Variants in PHACTR1 observed in about 807,000 individuals in gnomAD.
PHACTR1 encodes RPEL repeat containing 1.
A neutral mutation model predicts 69.2 loss-of-function variants in PHACTR1; 16 were observed. That is an observed-to-expected ratio of 0.23 (90% confidence interval 0.16 to 0.35). The LOEUF (loss-of-function observed/expected upper bound fraction) is 0.35, where lower values mean the gene tolerates loss of function less well. PHACTR1 is among the 10% of genes least tolerant of loss of function. The pLI, the probability that PHACTR1 is intolerant of heterozygous loss-of-function variation, is 1.00. For synonymous variants in PHACTR1, 312 were observed against 284.5 expected (o/e 1.10, Z -0.97); for missense variants, 510 against 734.7 (o/e 0.69, Z 3.54).
chr6:12,922,219 G>T (rs1322310046), intron 4 of PHACTR1, among the ~76,000 whole-genome samples: 1 of 152,168 alleles, frequency 6.6e-6, no homozygotes, highest in Non-Finnish European at 1.5e-5. Flanking sequence ...CTCCTTGCAA[G>T]ATCTTGCTTC....
At chr6:12,767,843 G>T (rs1768836908) in intron 4 of PHACTR1, among the ~76,000 whole-genome samples, 2 of 152,140 alleles carry the variant, frequency 1.3e-5, no homozygotes, top group Non-Finnish European at 1.5e-5. Context: ...AAACTTAAAA[G>T]ACATTGATAA....
intron 5 of PHACTR1, among the ~76,000 whole-genome samples, chr6:13,150,820 C>T (rs1026548737): frequency 6.6e-6 from 1 of 152,100 alleles, no homozygotes; most frequent in Non-Finnish European, 1.5e-5. Flanking sequence ...ATCTCTTTAT[C>T]TTAAGAAAGC....
intron 7 of PHACTR1, among the ~76,000 whole-genome samples, chr6:13,183,352 G>A (rs569595718): frequency 4.0e-5 from 6 of 149,532 alleles, no homozygotes; most frequent in African/African-American, 1.5e-4. Context: ...ATGAGTCTGG[G>A]AGAAGGAACC....
rs73368149 is a variant in PHACTR1, at chr6:13,068,935, C to T, written c.415+15406C>T. On this transcript the variant is annotated intron_variant, in intron 5 of 14. Transcript: ENST00000332995. ...TTTACGTTCCAAACCTGGGTATTTC[C>T]GAGAGTGAAATGGGGTGCTATAACT... Among the ~76,000 whole-genome samples, 1,510 of 151,998 alleles carry T rather than the reference C, an allele frequency of 9.9e-3. 17 individuals carry two copies. The highest frequency in any genetic ancestry group is 0.034 in the African/African-American group (1,389 of 41,436).
intron 7 of PHACTR1, among the ~76,000 whole-genome samples, chr6:13,202,827 T>A (rs1422893479): frequency 6.6e-6 from 1 of 152,244 alleles, no homozygotes; most frequent in Non-Finnish European, 1.5e-5. Context: ...TAAGATGAGC[T>A]GGACAATGGT....
At chr6:13,182,465 T>G in intron 6 of PHACTR1, 54 bp from the exon 7 acceptor site, 5 of 1,591,138 alleles carry the variant, frequency 3.1e-6, no homozygotes, top group Non-Finnish European at 4.3e-6. Context: ...AGTGCCACTC[T>G]TTCTTGAAAG....
chr6:12,921,838 G>GGC (rs1787753103), intron 4 of PHACTR1, among the ~76,000 whole-genome samples: 1 of 150,072 alleles, frequency 6.7e-6, no homozygotes, highest in Non-Finnish European at 1.5e-5. Context: ...AGGAAGGGAG[G>GGC]GAGAGAGGGA....
intron 4 of PHACTR1, among the ~76,000 whole-genome samples, chr6:12,811,646 T>C (rs996218859): frequency 2.0e-5 from 3 of 152,252 alleles, no homozygotes; most frequent in African/African-American, 7.2e-5. Context: ...AGTTTGAGGC[T>C]GTTAGCCCAA....
chr6:12,780,119 C>G (rs1280582506), intron 4 of PHACTR1, among the ~76,000 whole-genome samples: 1 of 152,088 alleles, frequency 6.6e-6, no homozygotes, highest in Non-Finnish European at 1.5e-5. Flanking sequence ...TTTAGGGACT[C>G]AAGAACCTGA....
At chr6:13,192,787 T>A (rs1011779131) in intron 7 of PHACTR1, among the ~76,000 whole-genome samples, 1 of 152,196 alleles carries the variant, frequency 6.6e-6, no homozygotes, top group African/African-American at 2.4e-5. Context: ...TCTGATGTGT[T>A]CCCTGCTGAG....
intron 4 of PHACTR1, among the ~76,000 whole-genome samples, chr6:12,876,705 G>A (rs112065516): frequency 6.6e-6 from 1 of 152,156 alleles, no homozygotes; most frequent in Non-Finnish European, 1.5e-5. Context: ...AAGTATATTA[G>A]TCAAAGTTCT....
intron 4 of PHACTR1, among the ~76,000 whole-genome samples, chr6:12,774,354 A>G (rs779167442): frequency 3.9e-5 from 6 of 152,094 alleles, no homozygotes; most frequent in Non-Finnish European, 8.8e-5. Flanking sequence ...AATATGTTCA[A>G]ATCAATAATT....
At chr6:12,975,432 T>C (rs1464543369) in intron 4 of PHACTR1, among the ~76,000 whole-genome samples, 1 of 152,210 alleles carries the variant, frequency 6.6e-6, no homozygotes, top group African/African-American at 2.4e-5. Context: ...TGCAAAAATC[T>C]GCAATGAATT....
chr6:13,139,989 G>A (rs1822178378), intron 5 of PHACTR1, among the ~76,000 whole-genome samples: 1 of 152,148 alleles, frequency 6.6e-6, no homozygotes, highest in Non-Finnish European at 1.5e-5. Context: ...GCTCTGAGGT[G>A]AAGAAAGGGC....
At chr6:12,867,650 T>C (rs1309862702) in intron 4 of PHACTR1, among the ~76,000 whole-genome samples, 2 of 152,220 alleles carry the variant, frequency 1.3e-5, no homozygotes, top group Non-Finnish European at 2.9e-5. Context: ...CAGAGCCCTC[T>C]CCCAATGCCT....
intron 10 of PHACTR1, among the ~76,000 whole-genome samples, chr6:13,259,458 G>A (rs1775619057): frequency 6.6e-6 from 1 of 152,046 alleles, no homozygotes; most frequent in Non-Finnish European, 1.5e-5. Context: ...ATTGCACTGG[G>A]GTCATAGCCT....
chr6:12,774,609 G>T (rs376502409), intron 4 of PHACTR1, among the ~76,000 whole-genome samples: 2 of 152,120 alleles, frequency 1.3e-5, no homozygotes, highest in Admixed American at 6.5e-5. Context: ...GGCCAGGCTG[G>T]TCTCAAACTC....
chr6:13,056,459 CAT>C (rs1397823348), intron 5 of PHACTR1, among the ~76,000 whole-genome samples: 1 of 152,160 alleles, frequency 6.6e-6, no homozygotes, highest in Non-Finnish European at 1.5e-5. Flanking sequence ...AGTAAATATA[CAT>C]GAGAATTGGT....
intron 4 of PHACTR1, among the ~76,000 whole-genome samples, chr6:12,982,882 A>G: frequency 6.6e-6 from 1 of 152,238 alleles, no homozygotes; most frequent in East Asian, 1.9e-4. Flanking sequence ...AATGAGATGT[A>G]TATTCACAAT....
Sources: allele counts gnomAD v4.1 joint callset (sites outside exome capture counted in the v4.1 genomes callset), GRCh38; gene constraint gnomAD v4.1.1; transcripts MANE v1.5; gene names NCBI Gene and HGNC (gene_info 2026-07-23, HGNC 2026-07-21).